Variants in WWC1 observed in about 807,000 individuals in gnomAD.
WWC1 encodes WW and C2 domain containing 1, also known as protein KIBRA.
WWC1 carries 55 observed loss-of-function variants against 138.4 expected under a neutral mutation model. The ratio of observed to expected loss-of-function variants is 0.40; its 90% CI spans 0.32 to 0.50. The LOEUF (loss-of-function observed/expected upper bound fraction) is 0.50. Ranked by LOEUF, WWC1 falls within the 20% of genes least tolerant of loss-of-function variation. The pLI, the probability that WWC1 is intolerant of heterozygous loss-of-function variation, is 0.72. For missense variants in WWC1, 1,226 were observed against 1,420.4 expected, an observed-to-expected ratio of 0.86 and a Z score of 2.20; for synonymous variants, 524 against 564.9, an observed-to-expected ratio of 0.93 and a Z score of 1.03.
intron 7 of WWC1, 130 bp from the exon 8 acceptor site, chr5:168,409,783 TGCACCGCCA>T: frequency 2.4e-6 from 2 of 816,406 alleles, no homozygotes. Context: ...CCCTGCGATC[TGCACCGCCA>T]GCCCAGTCAC....
In WWC1 at chr5:168,433,603, T is replaced by TCTTGGCTCA. The variant is rs144767857; in HGVS notation, c.2280+2162_2280+2170dup. 9.1e-3 allele frequency among the ~76,000 whole-genome samples: 1,385 copies of TCTTGGCTCA among 152,318 alleles called. 33 individuals carry two copies. The highest frequency in any genetic ancestry group is 0.031 in the African/African-American group (1,304 of 41,574). On this transcript the variant is annotated intron_variant, in intron 15 of 22. Coordinates refer to ENST00000265293, the MANE Select transcript of WWC1 (RefSeq NM_015238.3). ...CAGTCTCTGGAGTGCAGTGGCGTGA[T>TCTTGGCTCA]CTTGGCTCACTGAAACCTTCACCTC... is the stretch of plus-strand genomic sequence containing the variant.
Position 168,413,709 on chromosome 5 carries a change from A to G in WWC1, c.942-639A>G, listed in dbSNP as rs56738236. On this transcript the variant is annotated intron_variant, in intron 8 of 22. Coordinates refer to ENST00000265293, the MANE Select transcript of WWC1 (RefSeq NM_015238.3). ...CCACAGTTGTTCACACAGTGCCACT[A>G]CCTGTCTCTGAATTGAGAATACGCG... is the stretch of plus-strand genomic sequence containing the variant. Among the ~76,000 whole-genome samples the G allele has an allele frequency of 2.6e-3, 391 of 152,312 alleles. 1 individual carries two copies. Among genetic ancestry groups the G allele is most frequent in the African/African-American group, 9.0e-3 (373 of 41,562 alleles).
In WWC1 at chr5:168,428,775, A is replaced by G; in HGVS notation, c.1988A>G (p.Gln663Arg). ...ESEAVGATRI[Q>R]IALKYDEKNK... ...GAAGCAGTGGGTGCGACCCGAATTC[A>G]GATTGCCCTGAAGTAAGTGACGAGG... Residue 663 changes from glutamine (Q) to arginine (R), a missense_variant, in exon 13 of 23, where the codon CAG (glutamine) becomes CGG (arginine). This residue lies in a region of WWC1 where 1,016 missense variants were observed against 1,153.9 expected (regional missense o/e 0.88). Coordinates refer to ENST00000265293, the MANE Select transcript of WWC1 (RefSeq NM_015238.3). The G allele has an allele frequency of 1.9e-6, 3 of 1,613,854 alleles. No homozygotes were observed. Among genetic ancestry groups the G allele is most frequent in the Middle Eastern group, 1.6e-4 (1 of 6,062 alleles).
chr5:168,335,195 C>T (rs146376832), intron 1 of WWC1, among the ~76,000 whole-genome samples: 3 of 152,224 alleles, frequency 2.0e-5, no homozygotes, highest in Non-Finnish European at 4.4e-5. Flanking sequence ...GCAGGTGCAT[C>T]TTCCAAGGTT....
In WWC1 at chr5:168,457,966, G is replaced by A. The variant is rs915437046; in HGVS notation, c.2823+2446G>A. ...TGCAAGTCACCAGGTTGTGATTCAA[G>A]GCCTGGAGCATTTGCATCCAATTGA... is the stretch of plus-strand genomic sequence containing the variant. On this transcript the variant is annotated intron_variant, in intron 19 of 22. Transcript: ENST00000265293. Among the ~76,000 whole-genome samples the A allele has an allele frequency of 2.0e-5, 3 of 152,210 alleles. No homozygotes were observed. In the South Asian group the frequency reaches 6.2e-4, roughly 32 times the overall value.
At chr5:168,336,644 T>C (rs1277895985) in intron 1 of WWC1, among the ~76,000 whole-genome samples, 1 of 151,684 alleles carries the variant, frequency 6.6e-6, no homozygotes, top group Non-Finnish European at 1.5e-5. Flanking sequence ...CAGGAGGATC[T>C]GAGCCTGTGC....
At position 168,385,340 on chromosome 5, in the gene WWC1, G is replaced by T; in HGVS notation, c.359G>T (p.Arg120Leu). 6.2e-7 allele frequency: 1 copy of T among 1,614,092 alleles called. No individual in the cohort carries two copies. ...GAGATCTACCAGGTGAAGCAGCAGC[G>T]CCTGGAGCTTGCACAGCAGGAGTAC... ...QKEIYQVKQQ[R>L]LELAQQEYQQ... Residue 120 changes from arginine to leucine, a missense_variant, in exon 3 of 23, where the codon CGC becomes CTC. By Grantham distance (102) the Arg-to-Leu change is moderately radical. Coordinates refer to ENST00000265293, the MANE Select transcript of WWC1 (RefSeq NM_015238.3).
At chr5:168,421,033 C>T (rs1337585368) in intron 9 of WWC1, among the ~76,000 whole-genome samples, 1 of 152,138 alleles carries the variant, frequency 6.6e-6, no homozygotes, top group Non-Finnish European at 1.5e-5. Context: ...AGAAACAGCC[C>T]CCAAAGTCTC....
chr5:168,470,443 G>A lies in WWC1; in HGVS notation c.*1426G>A, dbSNP rs1007266860. On this transcript the variant is annotated 3_prime_UTR_variant, in exon 23 of 23. Transcript: ENST00000265293. The stretch of plus-strand genomic sequence containing the variant: ...GGAGGCTGAGGCAGGAGAATGACCT[G>A]AACCTGGGAGGCAGAGCTTGCAGTG... The A allele has an allele frequency of 6.6e-6, 1 of 151,446 alleles. No individual in the cohort carries two copies. The highest frequency in any genetic ancestry group is 1.5e-5 in the Non-Finnish European group (1 of 67,998). The allele number at this position is 151,446 out of a possible 1,614,324, so 9.4% of individuals were successfully genotyped here.
intron 16 of WWC1, among the ~76,000 whole-genome samples, chr5:168,443,599 A>G (rs1215348877): frequency 6.6e-6 from 1 of 152,152 alleles, no homozygotes; most frequent in Non-Finnish European, 1.5e-5. Flanking sequence ...TCTCCTTCCC[A>G]TTTCTCAAGT....
At chr5:168,418,710 G>A (rs1435113967) in intron 9 of WWC1, among the ~76,000 whole-genome samples, 7 of 152,090 alleles carry the variant, frequency 4.6e-5, no homozygotes, top group Non-Finnish European at 8.8e-5. Flanking sequence ...ACACACCTCT[G>A]TGGCTTTTCT....
intron 1 of WWC1, among the ~76,000 whole-genome samples, chr5:168,327,328 G>C (rs1002386223): frequency 6.6e-6 from 1 of 152,002 alleles, no homozygotes. Flanking sequence ...TTTTGTATTG[G>C]TTTCTGACAT....
chr5:168,433,394 C>T (rs542219942), intron 15 of WWC1, among the ~76,000 whole-genome samples: 4 of 152,352 alleles, frequency 2.6e-5, no homozygotes, highest in African/African-American at 9.6e-5. Flanking sequence ...AGTTTGTGCT[C>T]ACTGGATATC....
chr5:168,393,672 C>T (rs750274428), intron 3 of WWC1, among the ~76,000 whole-genome samples: 1 of 152,078 alleles, frequency 6.6e-6, no homozygotes, highest in Admixed American at 6.5e-5. Context: ...AAGGAAGACG[C>T]GGTATACAGA....
chr5:168,419,043 C>G (rs972771566), intron 9 of WWC1, among the ~76,000 whole-genome samples: 2 of 152,134 alleles, frequency 1.3e-5, no homozygotes, highest in East Asian at 3.9e-4. Flanking sequence ...GTAACAAGCC[C>G]GACCCACCCC....
chr5:168,437,181 C>A (rs1423729595), intron 15 of WWC1, among the ~76,000 whole-genome samples: 1 of 152,164 alleles, frequency 6.6e-6, no homozygotes, highest in East Asian at 1.9e-4. Context: ...GGACTTTATT[C>A]AAATGTCACC....
chr5:168,339,455 A>G (rs114475385), intron 1 of WWC1, among the ~76,000 whole-genome samples: 2,803 of 152,288 alleles, frequency 0.018, 40 homozygotes, highest in South Asian at 0.056. Context: ...CTGACTTCAA[A>G]TCAAGGGATC....
chr5:168,440,123 C>T (rs912176813), intron 15 of WWC1, among the ~76,000 whole-genome samples: 3 of 152,078 alleles, frequency 2.0e-5, no homozygotes, highest in African/African-American at 7.2e-5. Context: ...AAAAAATCAA[C>T]CCAATTTGAA....
intron 1 of WWC1, among the ~76,000 whole-genome samples, chr5:168,315,203 AG>A (rs1163089888): frequency 2.0e-5 from 3 of 151,470 alleles, no homozygotes; most frequent in African/African-American, 7.3e-5. Flanking sequence ...ATTCCTTCAA[AG>A]CAGGCTTTCT....
Sources: allele counts gnomAD v4.1 joint callset (sites outside exome capture counted in the v4.1 genomes callset), GRCh38; gene constraint gnomAD v4.1.1; regional missense constraint gnomAD v4.1.1; transcripts MANE v1.5; gene names NCBI Gene and HGNC (gene_info 2026-07-23, HGNC 2026-07-21).